SSU72: variants seen among roughly 807,000 people sequenced by gnomAD.
SSU72 encodes SSU72 homolog, RNA polymerase II CTD phosphatase, also known as RNA polymerase II subunit A C-terminal domain phosphatase SSU72.
SSU72 carries 12 observed loss-of-function variants against 22.7 expected under a neutral mutation model. The observed-to-expected ratio is 0.53, with a 90% CI of 0.34 to 0.86. The LOEUF (loss-of-function observed/expected upper bound fraction) is 0.86. Among genes scored for constraint, SSU72 ranks in the 40% least tolerant of loss-of-function variants. The pLI is 0.02. For synonymous variants in SSU72, 116 were observed against 98.3 expected (o/e 1.18, Z -1.06); for missense variants, 151 against 249.8 (o/e 0.60, Z 2.67).
At chr1:1,560,058 T>C (rs1642568951) in intron 2 of SSU72, among the ~76,000 whole-genome samples, 1 of 152,214 alleles carries the variant, frequency 6.6e-6, no homozygotes, top group Non-Finnish European at 1.5e-5. Context: ...GGTTTTACCC[T>C]GTTGGCCAGG....
chr1:1,547,481 G>A (rs1275688449), intron 2 of SSU72, among the ~76,000 whole-genome samples: 1 of 152,242 alleles, frequency 6.6e-6, no homozygotes, highest in Non-Finnish European at 1.5e-5. Context: ...TCCTGGCGAG[G>A]AGATGCGAGG....
At chr1:1,553,918 A>G (rs1203097411) in intron 2 of SSU72, among the ~76,000 whole-genome samples, 2 of 152,192 alleles carry the variant, frequency 1.3e-5, no homozygotes, top group Non-Finnish European at 1.5e-5. Flanking sequence ...AACGGAGGAT[A>G]AAGACCTCAT....
chr1:1,570,831 G>A (rs1364567694), intron 1 of SSU72, among the ~76,000 whole-genome samples: 2 of 152,226 alleles, frequency 1.3e-5, no homozygotes, highest in Non-Finnish European at 2.9e-5. Context: ...CAACAAGCAG[G>A]CTGGGCGTGG....
intron 1 of SSU72, among the ~76,000 whole-genome samples, chr1:1,572,957 A>T (rs1187558430): frequency 6.6e-6 from 1 of 151,352 alleles, no homozygotes; most frequent in Non-Finnish European, 1.5e-5. Flanking sequence ...ATAAATGAAG[A>T]TCCAGCACAA....
At chr1:1,564,735 C>T (rs1171028388) in intron 2 of SSU72, 38 bp downstream of exon 2, 2 of 1,614,206 alleles carry the variant, frequency 1.2e-6, no homozygotes, top group South Asian at 2.2e-5. Context: ...CAGGGAGGAC[C>T]ACACGGGGGG....
chr1:1,555,202 CA>C (rs907062030), intron 2 of SSU72, among the ~76,000 whole-genome samples: 1 of 152,170 alleles, frequency 6.6e-6, no homozygotes, highest in Non-Finnish European at 1.5e-5. Context: ...TCAGAGGTCT[CA>C]AAGGTCAGGT....
At chr1:1,562,100 T>C (rs555458893) in intron 2 of SSU72, 1 of 152,356 alleles carries the variant, frequency 6.6e-6, no homozygotes, top group African/African-American at 2.4e-5. Flanking sequence ...CCTCTGCCTA[T>C]ACCAAGTCCT....
At chr1:1,546,630 T>C (rs201262439) in intron 2 of SSU72, 2 of 150,370 alleles carry the variant, frequency 1.3e-5, no homozygotes, top group African/African-American at 4.9e-5. Context: ...TGAGGTCAGG[T>C]GTTTGAGACC....
intron 2 of SSU72, among the ~76,000 whole-genome samples, chr1:1,556,977 C>A (rs1020606727): frequency 5.9e-5 from 9 of 152,198 alleles, no homozygotes; most frequent in African/African-American, 2.2e-4. Context: ...CTGGCCTTAC[C>A]TGAAATATCT....
intron 1 of SSU72, among the ~76,000 whole-genome samples, chr1:1,568,761 C>T (rs775429940): frequency 1.3e-5 from 2 of 148,252 alleles, no homozygotes; most frequent in Non-Finnish European, 3.0e-5. Context: ...CCCGTCTCTA[C>T]TAAAAATACA....
At chr1:1,564,227 G>A (rs565070800) in intron 2 of SSU72, 60 of 336,132 alleles carry the variant, frequency 1.8e-4, no homozygotes, top group Admixed American at 5.4e-4. Context: ...AGGAGTCTTC[G>A]CGGCAGACCT....
intron 2 of SSU72, 140 bp downstream of exon 2, chr1:1,564,633 T>C: frequency 1.9e-6 from 3 of 1,613,816 alleles, no homozygotes; most frequent in Non-Finnish European, 2.5e-6. Flanking sequence ...GCACCAGGAA[T>C]AGAAACCAAG....
chr1:1,544,050 T>TTCACA, intron 3 of SSU72, 63 bp from the exon 4 acceptor site: 1 of 1,299,052 alleles, frequency 7.7e-7, no homozygotes, highest in Non-Finnish European at 1.1e-6. Context: ...GCAGTCAATG[T>TTCACA]GGCTGAGTCC....
At position 1,554,588 on chromosome 1, in the gene SSU72, A is replaced by C. The variant is rs915835973; in HGVS notation, c.225-9586T>G. Among the ~76,000 whole-genome samples the C allele has an allele frequency of 2.0e-5, 3 of 152,140 alleles. No homozygotes were observed. The highest frequency in any genetic ancestry group is 7.2e-5 in the African/African-American group (3 of 41,430). Reference sequence around the variant, plus strand: ...GACCAGAACATCCCGGGGAGTTAGAATGAGCGCAGCTGCCCATCCCACAGG... The same window carrying C: ...GACCAGAACATCCCGGGGAGTTAGACTGAGCGCAGCTGCCCATCCCACAGG... On this transcript the variant is annotated intron_variant, in intron 2 of 4. Coordinates refer to ENST00000291386, the MANE Select transcript of SSU72 (RefSeq NM_014188.3). The surrounding 1 kb of genome is among the most constrained non-coding windows in gnomAD (Gnocchi z 4.1).
intron 2 of SSU72, among the ~76,000 whole-genome samples, chr1:1,552,272 T>G (rs189192949): frequency 5.0e-4 from 76 of 152,254 alleles, no homozygotes; most frequent in African/African-American, 1.7e-3. Flanking sequence ...CCGTCCCATT[T>G]TTCTCAAAGG....
At chr1:1,567,045 G>A (rs999295367) in intron 1 of SSU72, among the ~76,000 whole-genome samples, 12 of 152,252 alleles carry the variant, frequency 7.9e-5, no homozygotes, top group Middle Eastern at 3.4e-3. Flanking sequence ...GGACATACAC[G>A]TGCCTCTGCA....
In SSU72 at chr1:1,542,397, G is replaced by A. The variant is rs914803190; in HGVS notation, c.484-230C>T. On this transcript the variant is annotated intron_variant, in intron 4 of 4. Transcript: ENST00000291386. The surrounding 1 kb of genome is among the most constrained non-coding windows in gnomAD (Gnocchi z 4.4). ...CCCTCACAGGACCTGAAGCTGGGAG[G>A]AGCTGGGAGGAGCCTGGAGCTGGAT... Among the ~76,000 whole-genome samples, 9 of 152,118 alleles carry A rather than the reference G, an allele frequency of 5.9e-5. No individual in the cohort carries two copies. The East Asian group carries it at 1.5e-3, about 26-fold the overall frequency.
intron 1 of SSU72, among the ~76,000 whole-genome samples, chr1:1,566,658 C>G (rs1267423455): frequency 6.6e-6 from 1 of 152,146 alleles, no homozygotes; most frequent in African/African-American, 2.4e-5. Context: ...CAAGACCAGC[C>G]TGGCTAACAT....
chr1:1,551,677 G>A (rs770563823), intron 2 of SSU72, among the ~76,000 whole-genome samples: 12 of 152,192 alleles, frequency 7.9e-5, no homozygotes, highest in Admixed American at 2.0e-4. Context: ...GTCCCGATTC[G>A]CGGACGCCAA....
Sources: gnomAD v4.1 joint callset for allele counts (sites outside exome capture counted in the v4.1 genomes callset) on GRCh38, gnomAD v4.1.1 for gene constraint, Gnocchi (gnomAD v3.1) non-coding constraint, MANE v1.5 for transcripts, NCBI Gene and HGNC (gene_info 2026-07-23, HGNC 2026-07-21) for gene names.